ALDH9A1: variants seen among roughly 807,000 people sequenced by gnomAD.
ALDH9A1 encodes 4-trimethylaminobutyraldehyde dehydrogenase.
A neutral mutation model predicts 56.6 loss-of-function variants in ALDH9A1; 42 were observed. The observed-to-expected ratio is 0.74, with a 90% CI of 0.58 to 0.96. The LOEUF (loss-of-function observed/expected upper bound fraction) is 0.96, where lower values mean the gene tolerates loss of function less well. ALDH9A1 is among the 40% of genes least tolerant of loss of function. The pLI is 0.00. For synonymous variants in ALDH9A1, 242 were observed against 236.0 expected, an observed-to-expected ratio of 1.03 and a Z score of -0.23; for missense variants, 661 against 651.5, an observed-to-expected ratio of 1.01 and a Z score of -0.16.
chr1:165,672,411 T>C (rs1031418077), intron 6 of ALDH9A1, among the ~76,000 whole-genome samples: 8 of 152,096 alleles, frequency 5.3e-5, no homozygotes, highest in African/African-American at 1.7e-4. Context: ...AGACATAAAA[T>C]AATAAATATT....
chr1:165,686,359 C>A (rs1448505165), intron 2 of ALDH9A1, among the ~76,000 whole-genome samples: 4 of 152,006 alleles, frequency 2.6e-5, no homozygotes, highest in Non-Finnish European at 5.9e-5. Flanking sequence ...GTTTAGGGAA[C>A]TTTGAGTGGC....
At chr1:165,675,490 G>T (rs1649329647) in intron 6 of ALDH9A1, among the ~76,000 whole-genome samples, 1 of 152,082 alleles carries the variant, frequency 6.6e-6, no homozygotes, top group Non-Finnish European at 1.5e-5. Flanking sequence ...AGAAACACAG[G>T]AAGCAAAAAC....
intron 4 of ALDH9A1, among the ~76,000 whole-genome samples, chr1:165,681,728 T>C (rs989848004): frequency 1.3e-5 from 2 of 152,232 alleles, no homozygotes; most frequent in African/African-American, 4.8e-5. Flanking sequence ...GAGTTTATCT[T>C]CTGCTTCGTA....
chr1:165,687,899 A>G (rs1649761743), intron 2 of ALDH9A1, among the ~76,000 whole-genome samples: 1 of 151,930 alleles, frequency 6.6e-6, no homozygotes, highest in Admixed American at 6.6e-5. Context: ...GAGGCAGGAG[A>G]ATCACTTGAA....
Position 165,679,558 on chromosome 1 carries a change from T to G in ALDH9A1, c.814A>C (p.Ile272Leu). 1 of 1,614,194 alleles carries G rather than the reference T, an allele frequency of 6.2e-7. No homozygotes were observed. The highest frequency in any genetic ancestry group is 8.5e-7 in the Non-Finnish European group (1 of 1,180,038). ...MKIMEMSAKG[I>L]KPVTLELGGK... ...CCAAGTTCCAAGGTAACAGGTTTGA[T>G]TCCTTTAGCTGACATCTCCATGATC... The change falls in exon 6 of 11, where the codon ATC becomes CTC. Residue 272 changes from isoleucine to leucine, a missense_variant. By Grantham distance (5) the Ile-to-Leu change is conservative. Coordinates refer to ENST00000354775, the MANE Select transcript of ALDH9A1 (RefSeq NM_000696.4).
chr1:165,683,069 A>G lies in ALDH9A1; in HGVS notation c.369T>C (p.Asn123=). Reference sequence around the variant, plus strand: ...AGCGGGCCTCAAAGATGGACTTGCCATTGTTGATGCACTCCATAGTAGCAA... The same window carrying G: ...AGCGGGCCTCAAAGATGGACTTGCCGTTGTTGATGCACTCCATAGTAGCAA... The part of the protein sequence containing the change: ...DEIATMECIN[N]GKSIFEARLD... Residue 123 remains asparagine, a synonymous_variant, in exon 3 of 11, where the codon AAT becomes AAC. Coordinates refer to ENST00000354775, the MANE Select transcript of ALDH9A1 (RefSeq NM_000696.4). 1 of 1,614,082 alleles carries G rather than the reference A, an allele frequency of 6.2e-7. No individual in the cohort carries two copies. Among genetic ancestry groups the G allele is most frequent in the Non-Finnish European group, 8.5e-7 (1 of 1,179,972 alleles).
chr1:165,682,121 G>A lies in ALDH9A1; in HGVS notation c.578C>T (p.Pro193Leu), dbSNP rs757294828. 6.2e-7 allele frequency: 1 copy of A among 1,614,106 alleles called. No homozygotes were observed. The highest frequency in any genetic ancestry group is 1.7e-5 in the Admixed American group (1 of 60,012). The change falls in exon 4 of 11, where the codon CCA (proline) becomes CTA (leucine). Residue 193 changes from proline (P) to leucine (L), a missense_variant. Pro to Leu is a moderately conservative substitution (Grantham distance 98). Coordinates refer to ENST00000354775, the MANE Select transcript of ALDH9A1 (RefSeq NM_000696.4). ...PFQIASWKSA[P>L]ALACGNAMVF... ...TTCATTCTTACCACAGGCTAATGCT[G>A]GAGCCGACTTCCAAGAGGCAATCTG...
intron 6 of ALDH9A1, among the ~76,000 whole-genome samples, chr1:165,672,189 A>T (rs899800506): frequency 5.3e-5 from 8 of 152,220 alleles, no homozygotes; most frequent in African/African-American, 1.9e-4. Flanking sequence ...AACATTATTC[A>T]CAACAGCCAA....
intron 6 of ALDH9A1, among the ~76,000 whole-genome samples, chr1:165,675,533 A>C (rs1351649923): frequency 6.6e-6 from 1 of 152,204 alleles, no homozygotes; most frequent in African/African-American, 2.4e-5. Flanking sequence ...CCCACAGGAG[A>C]TGGACAAAAC....
At chr1:165,679,388 T>C (rs931552978) in intron 6 of ALDH9A1, 54 bp downstream of exon 6, 1 of 1,591,024 alleles carries the variant, frequency 6.3e-7, no homozygotes. Flanking sequence ...AAACACACTG[T>C]TGGATGAGGG....
intron 8 of ALDH9A1, among the ~76,000 whole-genome samples, chr1:165,668,240 C>CCATT (rs1289027952): frequency 6.6e-6 from 1 of 152,074 alleles, no homozygotes; most frequent in African/African-American, 2.4e-5. Context: ...AGTATGATCC[C>CCATT]CATTGTTGGA....
At chr1:165,679,404 AGATT>A (rs1265796442) in intron 6 of ALDH9A1, 34 bp downstream of exon 6, 1 of 1,607,960 alleles carries the variant, frequency 6.2e-7, no homozygotes, top group South Asian at 1.1e-5. Flanking sequence ...GAGGGGGTAG[AGATT>A]CCTTTTACAC....
At chr1:165,683,977 G>A (rs545431662) in intron 2 of ALDH9A1, among the ~76,000 whole-genome samples, 30 of 152,298 alleles carry the variant, frequency 2.0e-4, no homozygotes, top group African/African-American at 7.2e-4. Flanking sequence ...TTAAGCAACT[G>A]ACAAGAAGGA....
At chr1:165,681,973 C>T in intron 4 of ALDH9A1, 134 bp downstream of exon 4, 1 of 1,230,902 alleles carries the variant, frequency 8.1e-7, no homozygotes, top group Non-Finnish European at 1.1e-6. Flanking sequence ...TCCTCTGAGG[C>T]TTTGAATATC....
At chr1:165,680,790 CCCAA>C in intron 4 of ALDH9A1, 107 bp from the exon 5 acceptor site, 6 of 1,083,496 alleles carry the variant, frequency 5.5e-6, no homozygotes, top group Non-Finnish European at 8.0e-6. Flanking sequence ...TTTCCTCTTC[CCCAA>C]CCAAATCCTA....
intron 6 of ALDH9A1, chr1:165,676,647 A>G (rs1649369118): frequency 2.2e-5 from 8 of 365,786 alleles, no homozygotes; most frequent in South Asian, 1.6e-4. Context: ...ATGATCAGAA[A>G]AAGAAGGAAG....
chr1:165,672,758 G>T (rs201419545), intron 6 of ALDH9A1, among the ~76,000 whole-genome samples: 2 of 151,838 alleles, frequency 1.3e-5, no homozygotes, highest in Non-Finnish European at 2.9e-5. Flanking sequence ...GCAACATGGC[G>T]AAATCTCATC....
At chr1:165,689,149 T>C (rs543712580) in intron 2 of ALDH9A1, among the ~76,000 whole-genome samples, 2 of 152,334 alleles carry the variant, frequency 1.3e-5, no homozygotes, top group South Asian at 4.1e-4. Context: ...CTTTGAGTTA[T>C]CTTTGGTTTA....
chr1:165,666,934 T>A (rs1649027762), intron 9 of ALDH9A1, among the ~76,000 whole-genome samples: 1 of 152,164 alleles, frequency 6.6e-6, no homozygotes, highest in Admixed American at 6.5e-5. Flanking sequence ...TGCATTCCAA[T>A]TAGGAACTAC....
Sources: allele counts gnomAD v4.1 joint callset (sites outside exome capture counted in the v4.1 genomes callset), GRCh38; gene constraint gnomAD v4.1.1; transcripts MANE v1.5; gene names NCBI Gene and HGNC (gene_info 2026-07-23, HGNC 2026-07-21).